Variants in GLG1 observed in about 807,000 individuals in gnomAD.
GLG1 encodes the protein golgi glycoprotein 1.
A neutral mutation model predicts 160.5 loss-of-function variants in GLG1; 38 were observed. The ratio of observed to expected loss-of-function variants is 0.24; its 90% CI spans 0.18 to 0.31. GLG1 has a LOEUF of 0.31. Ranked by LOEUF, GLG1 falls within the 10% of genes least tolerant of loss-of-function variation. GLG1 has a pLI of 1.00. For missense variants in GLG1, 1,373 were observed against 1,505.2 expected (o/e 0.91, Z 1.45); for synonymous variants, 644 against 543.4 (o/e 1.19, Z -2.57).
intron 15 of GLG1, among the ~76,000 whole-genome samples, chr16:74,470,923 A>G (rs1196905958): frequency 1.3e-5 from 2 of 150,918 alleles, no homozygotes; most frequent in Non-Finnish European, 2.9e-5. Flanking sequence ...ATGCCTGGCT[A>G]ATTTTGTATT....
At chr16:74,521,123 C>T (rs1010503418) in intron 2 of GLG1, among the ~76,000 whole-genome samples, 4 of 152,094 alleles carry the variant, frequency 2.6e-5, no homozygotes, top group Non-Finnish European at 4.4e-5. Context: ...ATGCAAAAGT[C>T]CCGAGTCAGG....
At chr16:74,572,520 A>AC (rs1275169987) in intron 1 of GLG1, among the ~76,000 whole-genome samples, 1 of 147,204 alleles carries the variant, frequency 6.8e-6, no homozygotes, top group Admixed American at 6.8e-5. Flanking sequence ...CTCAAAAAAA[A>AC]AACAAACAAA....
chr16:74,520,749 TTGTCCAC>T lies in GLG1; in HGVS notation c.471+11365_471+11371del, dbSNP rs2017137926. Among the ~76,000 whole-genome samples the T allele has an allele frequency of 2.0e-5, 3 of 152,346 alleles. No individual in the cohort carries two copies. The South Asian group carries it at 6.2e-4, about 32-fold the overall frequency. ...CTGGATATCATTTTTCGGTAAGCAC[TTGTCCAC>T]TGTCTTCTAGCTTCTAGGAATGCTA... On this transcript the variant is annotated intron_variant, in intron 2 of 25. Coordinates refer to ENST00000422840, the MANE Select transcript of GLG1 (RefSeq NM_001145667.2).
At chr16:74,504,086 A>G (rs923139911) in intron 3 of GLG1, among the ~76,000 whole-genome samples, 12 of 152,186 alleles carry the variant, frequency 7.9e-5, no homozygotes, top group African/African-American at 2.7e-4. Flanking sequence ...GCATGGTCCT[A>G]TGAAGTCCTT....
At chr16:74,519,487 T>TA (rs908828415) in intron 2 of GLG1, among the ~76,000 whole-genome samples, 18 of 150,248 alleles carry the variant, frequency 1.2e-4, no homozygotes, top group Admixed American at 9.3e-4. Flanking sequence ...GTATAATAAT[T>TA]AAAAAAAAGT....
chr16:74,476,288 T>G (rs2015388410), intron 12 of GLG1, among the ~76,000 whole-genome samples: 1 of 152,252 alleles, frequency 6.6e-6, no homozygotes, highest in Non-Finnish European at 1.5e-5. Flanking sequence ...GAAACTATTT[T>G]CTGGGATTCC....
At chr16:74,459,869 T>A in intron 22 of GLG1, 80 bp from the exon 23 acceptor site, 1 of 726,868 alleles carries the variant, frequency 1.4e-6, no homozygotes, top group Non-Finnish European at 2.2e-6. Flanking sequence ...TTTTTTTTAT[T>A]TTTTGAAACA....
At position 74,460,022 on chromosome 16, in the gene GLG1, A is replaced by AT. The variant is rs372902114; in HGVS notation, c.3037-234dup. ...AGGCGCGTGCTACCATGCCTGGCTG[A>AT]TTTTTTTTTTTTTTTTTAGACAGAG... On this transcript the variant is annotated intron_variant, in intron 22 of 25. Coordinates refer to ENST00000422840, the MANE Select transcript of GLG1 (RefSeq NM_001145667.2). Among the ~76,000 whole-genome samples the AT allele has an allele frequency of 1.4e-3, 177 of 128,940 alleles. 1 individual carries two copies. The highest frequency in any genetic ancestry group is 2.2e-3 in the East Asian group (10 of 4,492). 84.6% of individuals were successfully genotyped at this position (128,940 alleles called of 152,430 possible). A position where few individuals can be genotyped will look rare whatever the true frequency, so the allele number is the denominator to read the frequency against.
Position 74,485,308 on chromosome 16 carries a change from T to C in GLG1, c.1571+488A>G, listed in dbSNP as rs145048053. On this transcript the variant is annotated intron_variant, in intron 9 of 25. Coordinates refer to ENST00000422840, the MANE Select transcript of GLG1 (RefSeq NM_001145667.2). ...CTTTTCTAGATCTTGGTTGCAACTT[T>C]AGTATTCATTTTGTCCATTACTACT... Among the ~76,000 whole-genome samples the C allele has an allele frequency of 3.2e-3, 484 of 152,378 alleles. 1 individual carries two copies. The highest frequency in any genetic ancestry group is 0.011 in the African/African-American group (448 of 41,590).
At chr16:74,517,311 G>T (rs1332857848) in intron 2 of GLG1, among the ~76,000 whole-genome samples, 1 of 152,130 alleles carries the variant, frequency 6.6e-6, no homozygotes, top group African/African-American at 2.4e-5. Flanking sequence ...TAAAATACTG[G>T]CAAACCAAAT....
chr16:74,535,992 T>A (rs1597321537), intron 1 of GLG1, among the ~76,000 whole-genome samples: 1 of 151,934 alleles, frequency 6.6e-6, no homozygotes, highest in Non-Finnish European at 1.5e-5. Flanking sequence ...ACCCGGGGAA[T>A]GGTGGGTGCA....
At chr16:74,566,501 C>T (rs2018658015) in intron 1 of GLG1, among the ~76,000 whole-genome samples, 1 of 152,126 alleles carries the variant, frequency 6.6e-6, no homozygotes, top group African/African-American at 2.4e-5. Flanking sequence ...TTAAAGAGCT[C>T]TCCATTGTCA....
chr16:74,473,730 C>T (rs1055266610), intron 13 of GLG1, among the ~76,000 whole-genome samples: 5 of 152,020 alleles, frequency 3.3e-5, no homozygotes, highest in African/African-American at 9.7e-5. Context: ...TGAGCCACTG[C>T]ACCTGGCCTC....
intron 2 of GLG1, among the ~76,000 whole-genome samples, chr16:74,511,368 T>C (rs1479915401): frequency 3.3e-5 from 5 of 151,966 alleles, no homozygotes; most frequent in African/African-American, 2.4e-5. Flanking sequence ...ACTGAGTTTT[T>C]AGGCTGGGCA....
At position 74,523,937 on chromosome 16, in the gene GLG1, G is replaced by A. The variant is rs188421829; in HGVS notation, c.471+8184C>T. Among the ~76,000 whole-genome samples, 232 of 152,164 alleles carry A rather than the reference G, an allele frequency of 1.5e-3. 1 individual carries two copies. In the South Asian group the frequency reaches 0.016, roughly 10 times the overall value. ...TTTTAAAAAAAATAATAGGCCAGGCGCGGTGGCTCACGCCTGTGTAATCCC... is the reference window on the plus strand; with the variant it reads ...TTTTAAAAAAAATAATAGGCCAGGCACGGTGGCTCACGCCTGTGTAATCCC... On this transcript the variant is annotated intron_variant, in intron 2 of 25. Transcript: ENST00000422840.
At position 74,525,967 on chromosome 16, in the gene GLG1, G is replaced by A. The variant is rs538783470; in HGVS notation, c.471+6154C>T. ...GGCCAGGAGATGGATACCAGCCTGG[G>A]CCACAGAGCAAGACCCCCATCTCTA... is the stretch of plus-strand genomic sequence containing the variant. On this transcript the variant is annotated intron_variant, in intron 2 of 25. Coordinates refer to ENST00000422840, the MANE Select transcript of GLG1 (RefSeq NM_001145667.2). Among the ~76,000 whole-genome samples, 6 of 152,222 alleles carry A rather than the reference G, an allele frequency of 3.9e-5. No homozygotes were observed. The South Asian group carries it at 1.2e-3, about 32-fold the overall frequency.
rs201887047 is a variant in GLG1, at chr16:74,483,031, C to A, written c.1665G>T (p.Arg555=). 3.6e-5 allele frequency: 57 copies of A among 1,579,288 alleles called. No homozygotes were observed. In the African/African-American group the frequency reaches 7.3e-4, roughly 20 times the overall value. The part of the protein sequence containing the change: ...RLLELQYFIS[R]DWKLDPVLYR... ...GGCTTCAAAATACTCACTTCCAATCCCGGGAGATGAAATACTGCAGCTCTA... is the reference window on the plus strand; with the variant it reads ...GGCTTCAAAATACTCACTTCCAATCACGGGAGATGAAATACTGCAGCTCTA... The change falls in exon 10 of 26, where the codon CGG becomes CGT. Residue 555 remains arginine (R), a synonymous_variant. Coordinates refer to ENST00000422840, the MANE Select transcript of GLG1 (RefSeq NM_001145667.2).
At chr16:74,589,194 G>A (rs931000819) in intron 1 of GLG1, among the ~76,000 whole-genome samples, 2 of 151,648 alleles carry the variant, frequency 1.3e-5, no homozygotes, top group Admixed American at 6.6e-5. Flanking sequence ...GGCAGAGGTT[G>A]CAGTGAGCCA....
At chr16:74,588,491 G>T (rs537844000) in intron 1 of GLG1, among the ~76,000 whole-genome samples, 1 of 151,838 alleles carries the variant, frequency 6.6e-6, no homozygotes, top group South Asian at 2.1e-4. Flanking sequence ...CCATTCTGTT[G>T]CCACTGCAGC....
Sources: gnomAD v4.1 joint callset for allele counts (sites outside exome capture counted in the v4.1 genomes callset) on GRCh38, gnomAD v4.1.1 for gene constraint, MANE v1.5 for transcripts, NCBI Gene and HGNC (gene_info 2026-07-23, HGNC 2026-07-21) for gene names.